PDE10A: variants seen among roughly 807,000 people sequenced by gnomAD.
PDE10A encodes phosphodiesterase 10A.
A neutral mutation model predicts 97.7 loss-of-function variants in PDE10A; 39 were observed. That is an observed-to-expected ratio of 0.40 (90% CI 0.31 to 0.52). PDE10A has a LOEUF of 0.52. PDE10A is among the 20% of genes least tolerant of loss of function. PDE10A has a pLI of 0.56. For synonymous variants in PDE10A, 371 were observed against 376.8 expected (o/e 0.98, Z 0.18); for missense variants, 731 against 1,047.8 (o/e 0.70, Z 4.17).
intron 1 of PDE10A, among the ~76,000 whole-genome samples, chr6:165,725,723 A>G (rs888971764): frequency 6.6e-6 from 1 of 152,118 alleles, no homozygotes; most frequent in Non-Finnish European, 1.5e-5. Flanking sequence ...CTCCGTAGCA[A>G]TCTTGACCTG....
intron 7 of PDE10A, among the ~76,000 whole-genome samples, 187 bp downstream of exon 7, chr6:165,432,787 T>G (rs1789693856): frequency 6.6e-6 from 1 of 152,182 alleles, no homozygotes; most frequent in African/African-American, 2.4e-5. Context: ...ATGTAACCTG[T>G]TTCCTCTCTA....
rs1165217179 is a variant in PDE10A at position 165,332,813 on chromosome 6, G to A, written c.*212C>T. On this transcript the variant is annotated 3_prime_UTR_variant, in exon 22 of 22. Coordinates refer to ENST00000539869, the MANE Select transcript of PDE10A (RefSeq NM_001385079.1). ...CAGCTGATTTCTGAACGTGGGGGTG[G>A]TCCTGGTTGCTCAGTGTCTATGATG... 5 of 508,874 alleles carry A rather than the reference G, an allele frequency of 9.8e-6. No homozygotes were observed. The highest frequency in any genetic ancestry group is 7.9e-5 in the African/African-American group (4 of 50,470). The allele number at this position is 508,874 out of a possible 1,614,324, so 31.5% of individuals were successfully genotyped here. A position where few individuals can be genotyped will look rare whatever the true frequency, so the allele number is the denominator to read the frequency against.
chr6:165,792,543 C>T (rs767036502), intron 1 of PDE10A, among the ~76,000 whole-genome samples: 1 of 152,136 alleles, frequency 6.6e-6, no homozygotes, highest in Non-Finnish European at 1.5e-5. Flanking sequence ...CTCTGTTTGG[C>T]TGGCACCTTT....
intron 21 of PDE10A, among the ~76,000 whole-genome samples, chr6:165,333,505 T>C (rs956756544): frequency 2.0e-5 from 3 of 152,188 alleles, no homozygotes; most frequent in African/African-American, 7.2e-5. Context: ...GTAGGAACAC[T>C]TGGTGACAAC....
chr6:165,979,020 A>G (rs901114035), intron 1 of PDE10A, among the ~76,000 whole-genome samples: 2 of 152,196 alleles, frequency 1.3e-5, no homozygotes, highest in Non-Finnish European at 2.9e-5. Context: ...AGTGAGATGG[A>G]TCTCCCACCC....
chr6:165,714,571 G>T (rs1791979848), intron 1 of PDE10A, among the ~76,000 whole-genome samples: 1 of 152,194 alleles, frequency 6.6e-6, no homozygotes, highest in South Asian at 2.1e-4. Context: ...CAGGGGAGGG[G>T]ATCCCCCTAC....
chr6:165,589,983 T>C (rs528894303), intron 1 of PDE10A, among the ~76,000 whole-genome samples: 1 of 152,334 alleles, frequency 6.6e-6, no homozygotes, highest in Admixed American at 6.5e-5. Flanking sequence ...AGTTTAAATA[T>C]GCATACTATA....
chr6:165,898,780 G>T (rs1782025825), intron 1 of PDE10A, among the ~76,000 whole-genome samples: 1 of 152,022 alleles, frequency 6.6e-6, no homozygotes, highest in African/African-American at 2.4e-5. Flanking sequence ...GGTCTGGAAG[G>T]CCTCCCAGGA....
At chr6:165,761,845 A>G (rs2128458131) in intron 1 of PDE10A, among the ~76,000 whole-genome samples, 1 of 152,362 alleles carries the variant, frequency 6.6e-6, no homozygotes, top group East Asian at 1.9e-4. Context: ...AGCTGGAACT[A>G]CCTTCTGTAA....
chr6:165,770,935 G>T (rs914330398), intron 1 of PDE10A, among the ~76,000 whole-genome samples: 1 of 152,150 alleles, frequency 6.6e-6, no homozygotes, highest in South Asian at 2.1e-4. Context: ...CCTGTAAACG[G>T]TATCTTTTCT....
chr6:165,536,602 T>TA lies in PDE10A; in HGVS notation c.994+6837dup, dbSNP rs750499018. On this transcript the variant is annotated intron_variant, in intron 2 of 21. Transcript: ENST00000539869. ...ATAAGGAACTCAAACAGATCAATAG[T>TA]AAAAAAAAAAAAATCTGAGCAAAAA... is the stretch of plus-strand genomic sequence containing the variant. Among the ~76,000 whole-genome samples the TA allele has an allele frequency of 1.2e-3, 159 of 137,826 alleles. 1 individual carries two copies. Among genetic ancestry groups the TA allele is most frequent in the Middle Eastern group, 3.6e-3 (1 of 278 alleles). The allele number at this position is 137,826 out of a possible 152,430, so 90.4% of individuals were successfully genotyped here.
chr6:165,478,819 A>C (rs1583367642), intron 3 of PDE10A, among the ~76,000 whole-genome samples: 3 of 152,242 alleles, frequency 2.0e-5, no homozygotes, highest in African/African-American at 7.2e-5. Flanking sequence ...CAAAACCCTT[A>C]CCTTAAGCCA....
chr6:165,399,017 C>T (rs546775206), intron 13 of PDE10A, among the ~76,000 whole-genome samples: 44 of 152,074 alleles, frequency 2.9e-4, no homozygotes, highest in South Asian at 1.7e-3. Flanking sequence ...AAGAAAGTTA[C>T]GACTTTATTA....
At chr6:165,615,639 G>A (rs61624499) in intron 1 of PDE10A, among the ~76,000 whole-genome samples, 1,726 of 152,210 alleles carry the variant, frequency 0.011, 32 homozygotes, top group African/African-American at 0.039. Flanking sequence ...TATTTCAAAA[G>A]TCCTTTCTAT....
rs867004171 is a variant in PDE10A at position 165,418,447 on chromosome 6, C to T, written c.1796+188G>A. Among the ~76,000 whole-genome samples, 1 of 152,266 alleles carries T rather than the reference C, an allele frequency of 6.6e-6. No individual in the cohort carries two copies. On this transcript the variant is annotated intron_variant, in intron 11 of 21. Transcript: ENST00000539869. The surrounding 1 kb of genome is among the most constrained non-coding windows in gnomAD (Gnocchi z 4.8). ...GAGTGACGCTAAGGCTTCCTAGGCG[C>T]GGTTTCTCGGGCACTGCCTGCAATG...
chr6:165,644,691 C>T (rs911288745), intron 1 of PDE10A, among the ~76,000 whole-genome samples: 2 of 152,180 alleles, frequency 1.3e-5, no homozygotes, highest in Non-Finnish European at 2.9e-5. Flanking sequence ...CTAAACACAG[C>T]GTATTCTATG....
At chr6:165,587,175 T>G (rs1338380359) in intron 1 of PDE10A, among the ~76,000 whole-genome samples, 1 of 152,156 alleles carries the variant, frequency 6.6e-6, no homozygotes, top group Non-Finnish European at 1.5e-5. Context: ...TCGTATCACC[T>G]GCATGTGGAA....
chr6:165,758,762 T>C (rs1793184635), intron 1 of PDE10A, among the ~76,000 whole-genome samples: 1 of 151,828 alleles, frequency 6.6e-6, no homozygotes, highest in Non-Finnish European at 1.5e-5. Context: ...AACCCAGGAT[T>C]TAATGAGGCT....
At chr6:165,983,788 C>A (rs1785093352) in intron 1 of PDE10A, among the ~76,000 whole-genome samples, 1 of 152,220 alleles carries the variant, frequency 6.6e-6, no homozygotes, top group Non-Finnish European at 1.5e-5. Flanking sequence ...GGGTAAAAAA[C>A]AACAGCACTG....
Sources: gnomAD v4.1 joint callset for allele counts (sites outside exome capture counted in the v4.1 genomes callset) on GRCh38, gnomAD v4.1.1 for gene constraint, Gnocchi (gnomAD v3.1) non-coding constraint, MANE v1.5 for transcripts, NCBI Gene and HGNC (gene_info 2026-07-23, HGNC 2026-07-21) for gene names.